Variants in KCNIP4 observed in about 807,000 individuals in gnomAD.
KCNIP4 encodes potassium voltage-gated channel interacting protein 4, also known as Kv channel-interacting protein 4.
A neutral mutation model predicts 34.0 loss-of-function variants in KCNIP4; 12 were observed. The observed-to-expected ratio is 0.35, with a 90% CI of 0.23 to 0.57. KCNIP4 has a LOEUF of 0.57. Ranked by LOEUF, KCNIP4 falls within the 20% of genes least tolerant of loss-of-function variation. KCNIP4 has a pLI of 0.83. For missense variants in KCNIP4, 238 were observed against 311.7 expected (o/e 0.76, Z 1.78); for synonymous variants, 124 against 102.2 (o/e 1.21, Z -1.29).
intron 1 of KCNIP4, among the ~76,000 whole-genome samples, chr4:21,265,161 G>T (rs1761717339): frequency 6.6e-6 from 1 of 151,786 alleles, no homozygotes; most frequent in Non-Finnish European, 1.5e-5. Context: ...AGATGGTTTG[G>T]AATTCACCAA....
chr4:21,224,864 G>A (rs1758258945), intron 1 of KCNIP4, among the ~76,000 whole-genome samples: 1 of 151,910 alleles, frequency 6.6e-6, no homozygotes, highest in Non-Finnish European at 1.5e-5. Context: ...TGAGATTACA[G>A]GCATGAGCCA....
At chr4:20,913,907 G>A (rs1728567197) in intron 1 of KCNIP4, among the ~76,000 whole-genome samples, 1 of 152,026 alleles carries the variant, frequency 6.6e-6, no homozygotes, top group Non-Finnish European at 1.5e-5. Context: ...TGTAATCCCA[G>A]CACTTTGGGA....
At chr4:21,255,383 C>T (rs148293473) in intron 1 of KCNIP4, among the ~76,000 whole-genome samples, 1 of 152,152 alleles carries the variant, frequency 6.6e-6, no homozygotes, top group East Asian at 1.9e-4. Flanking sequence ...TTTTTCATCA[C>T]CAGTTTTTTT....
intron 1 of KCNIP4, among the ~76,000 whole-genome samples, chr4:20,934,515 G>T (rs1730836735): frequency 6.6e-6 from 1 of 151,806 alleles, no homozygotes; most frequent in Non-Finnish European, 1.5e-5. Context: ...TCTGTTTTTG[G>T]GCTTCCCTTA....
intron 1 of KCNIP4, among the ~76,000 whole-genome samples, chr4:20,945,490 T>C (rs571943543): frequency 1.5e-4 from 23 of 152,336 alleles, no homozygotes; most frequent in African/African-American, 5.5e-4. Flanking sequence ...AATGTCATAA[T>C]ATATATGAAA....
In KCNIP4 at chr4:21,815,152, C is replaced by T. The variant is rs1721915087; in HGVS notation, c.61+133419G>A. On this transcript the variant is annotated intron_variant, in intron 1 of 8. Transcript: ENST00000382152. ...TTAAGGTGGACTCTAAAACCATCTG[C>T]CTGGATGAATCTCATCTCAGCCACC... 2.0e-5 allele frequency among the ~76,000 whole-genome samples: 3 copies of T among 152,106 alleles called. No homozygotes were observed. In the South Asian group the frequency reaches 6.2e-4, roughly 32 times the overall value.
intron 1 of KCNIP4, among the ~76,000 whole-genome samples, chr4:21,423,039 G>A (rs551977350): frequency 1.3e-5 from 2 of 152,284 alleles, no homozygotes; most frequent in East Asian, 1.9e-4. Flanking sequence ...GTAGGCTACA[G>A]TTCAACATAA....
At chr4:21,720,597 A>C (rs926697432) in intron 1 of KCNIP4, among the ~76,000 whole-genome samples, 16 of 146,330 alleles carry the variant, frequency 1.1e-4, no homozygotes, top group Admixed American at 4.2e-4. Flanking sequence ...TTTGTTACAT[A>C]TGTATACATG....
At chr4:21,664,761 A>G (rs1285915591) in intron 1 of KCNIP4, among the ~76,000 whole-genome samples, 1 of 152,150 alleles carries the variant, frequency 6.6e-6, no homozygotes, top group Non-Finnish European at 1.5e-5. Flanking sequence ...CATGCCACCT[A>G]TAGACTATTT....
chr4:20,850,273 T>A (rs548686169), intron 3 of KCNIP4: 5 of 255,688 alleles, frequency 2.0e-5, no homozygotes, highest in Non-Finnish European at 3.0e-5. Context: ...TTATAGTTGA[T>A]GAAGAGAAAA....
chr4:21,796,931 C>G (rs1049921270), intron 1 of KCNIP4, among the ~76,000 whole-genome samples: 5 of 152,128 alleles, frequency 3.3e-5, no homozygotes, highest in Admixed American at 6.5e-5. Flanking sequence ...TAGCATGCTC[C>G]CTTTATATTG....
chr4:21,603,590 C>A (rs1297981741), intron 1 of KCNIP4, among the ~76,000 whole-genome samples: 1 of 152,050 alleles, frequency 6.6e-6, no homozygotes, highest in African/African-American at 2.4e-5. Flanking sequence ...AGGTACCTTG[C>A]CGGCTAAGCT....
intron 1 of KCNIP4, among the ~76,000 whole-genome samples, chr4:21,039,196 C>A (rs780044345): frequency 6.6e-6 from 1 of 151,910 alleles, no homozygotes; most frequent in Non-Finnish European, 1.5e-5. Flanking sequence ...CCTGTCTCTA[C>A]TAAAAATACA....
chr4:21,438,952 G>T (rs2109696509), intron 1 of KCNIP4, among the ~76,000 whole-genome samples: 1 of 152,184 alleles, frequency 6.6e-6, no homozygotes, highest in African/African-American at 2.4e-5. Flanking sequence ...CACGAGGTCA[G>T]GAGATCGAGA....
intron 1 of KCNIP4, among the ~76,000 whole-genome samples, chr4:21,251,134 G>A (rs907249395): frequency 7.2e-5 from 11 of 152,014 alleles, no homozygotes; most frequent in Non-Finnish European, 1.0e-4. Flanking sequence ...ATATAATGGA[G>A]TGCCATGTAA....
At chr4:21,593,899 C>G (rs996056314) in intron 1 of KCNIP4, among the ~76,000 whole-genome samples, 1 of 152,104 alleles carries the variant, frequency 6.6e-6, no homozygotes, top group African/African-American at 2.4e-5. Context: ...CTGTTCTCAT[C>G]TGAAGAATCT....
rs546174504 is a variant in KCNIP4, at chr4:21,077,215, A to C, written c.62-194506T>G. Among the ~76,000 whole-genome samples the C allele has an allele frequency of 3.9e-5, 6 of 152,218 alleles. No individual in the cohort carries two copies. The South Asian group carries it at 1.2e-3, about 32-fold the overall frequency. On this transcript the variant is annotated intron_variant, in intron 1 of 8. Transcript: ENST00000382152. ...TGCTCCATTTATTTGTGTTGTCATC[A>C]ACCATTTGGTATCCATTGCCTCGAA...
chr4:21,200,328 ATATATATATACATACATATATGTG>A (rs1756384666), intron 1 of KCNIP4, among the ~76,000 whole-genome samples: 1 of 108,172 alleles, frequency 9.2e-6, no homozygotes, highest in African/African-American at 4.4e-5. Context: ...ATATGTGTGT[ATATATATATACATACATATATGTG>A]TGTATATATA....
At chr4:21,550,932 T>C (rs1007165002) in intron 1 of KCNIP4, among the ~76,000 whole-genome samples, 2 of 152,098 alleles carry the variant, frequency 1.3e-5, no homozygotes, top group African/African-American at 2.4e-5. Flanking sequence ...GTCAGTTGTA[T>C]TATCATCCTT....
Sources: allele counts gnomAD v4.1 joint callset (sites outside exome capture counted in the v4.1 genomes callset), GRCh38; gene constraint gnomAD v4.1.1; transcripts MANE v1.5; gene names NCBI Gene and HGNC (gene_info 2026-07-23, HGNC 2026-07-21).